Variants in LMBRD1 observed in about 807,000 individuals in gnomAD.
The protein encoded by LMBRD1 is lysosomal cobalamin transport escort protein LMBD1.
In LMBRD1, 64 loss-of-function variants were observed where a neutral mutation model predicts 74.8. The ratio of observed to expected loss-of-function variants is 0.86; its 90% CI spans 0.70 to 1.05. The LOEUF (loss-of-function observed/expected upper bound fraction) is 1.05, where lower values mean the gene tolerates loss of function less well. Among genes scored for constraint, LMBRD1 ranks in the 50% least tolerant of loss-of-function variants. The pLI, the probability that LMBRD1 is intolerant of heterozygous loss-of-function variation, is 0.00. For synonymous variants in LMBRD1, 204 were observed against 216.3 expected, an observed-to-expected ratio of 0.94 and a Z score of 0.50; for missense variants, 652 against 645.9, an observed-to-expected ratio of 1.01 and a Z score of -0.10.
intron 8 of LMBRD1, among the ~76,000 whole-genome samples, chr6:69,718,255 A>G (rs1046239001): frequency 9.9e-5 from 15 of 152,112 alleles, no homozygotes; most frequent in African/African-American, 3.1e-4. Flanking sequence ...TTATTCAACT[A>G]GTAAATAAAA....
intron 3 of LMBRD1, among the ~76,000 whole-genome samples, chr6:69,768,453 T>G (rs557404819): frequency 6.9e-6 from 1 of 144,936 alleles, no homozygotes; most frequent in South Asian, 2.1e-4. Flanking sequence ...ACAGGCAAAA[T>G]ATATATTTTT....
chr6:69,690,456 C>T (rs1004504246), intron 14 of LMBRD1, among the ~76,000 whole-genome samples: 5 of 152,074 alleles, frequency 3.3e-5, no homozygotes, highest in African/African-American at 9.7e-5. Flanking sequence ...AATTAGCCAA[C>T]AAGAAATCTC....
At position 69,675,407 on chromosome 6, in the gene LMBRD1, CAT is replaced by C. The variant is rs1294502602; in HGVS notation, c.*749_*750del. 1.3e-5 allele frequency among the ~76,000 whole-genome samples: 2 copies of C among 151,742 alleles called. No individual in the cohort carries two copies. Among genetic ancestry groups the C allele is most frequent in the Non-Finnish European group, 2.9e-5 (2 of 67,998 alleles). ...TATCTCTAAAACCAAAATATGATGC[CAT>C]ATATCTTAAATTAATCCATAAACTG... On this transcript the variant is annotated 3_prime_UTR_variant, in exon 16 of 16. Coordinates refer to ENST00000649934, the MANE Select transcript of LMBRD1 (RefSeq NM_018368.4).
At chr6:69,736,884 C>G (rs1051115352) in intron 7 of LMBRD1, among the ~76,000 whole-genome samples, 1 of 152,242 alleles carries the variant, frequency 6.6e-6, no homozygotes, top group Middle Eastern at 3.4e-3. Flanking sequence ...GCTGTACATT[C>G]TGTGAGATAG....
intron 6 of LMBRD1, among the ~76,000 whole-genome samples, chr6:69,739,948 A>C (rs1767064005): frequency 6.6e-6 from 1 of 152,190 alleles, no homozygotes; most frequent in African/African-American, 2.4e-5. Flanking sequence ...TCTACTAAAA[A>C]TACAAAAATT....
chr6:69,701,572 TTA>T (rs772467119), intron 10 of LMBRD1, 27 bp from the exon 11 acceptor site: 3 of 1,377,616 alleles, frequency 2.2e-6, no homozygotes, highest in East Asian at 2.4e-5. Flanking sequence ...AGAATGAAAT[TTA>T]TGTTATACTA....
At chr6:69,795,553 AT>A (rs1174434459) in intron 1 of LMBRD1, among the ~76,000 whole-genome samples, 1 of 152,226 alleles carries the variant, frequency 6.6e-6, no homozygotes, top group Non-Finnish European at 1.5e-5. Flanking sequence ...ACTTTCATAC[AT>A]TACATGCTTA....
Position 69,674,850 on chromosome 6 carries a change from G to C in LMBRD1, c.*1308C>G, listed in dbSNP as rs4707278. ...TAGCCAGGCATGGTGGCACATGCCT[G>C]TAATCCCAGCTACTCAGGAGGCTGA... On this transcript the variant is annotated 3_prime_UTR_variant, in exon 16 of 16. Transcript: ENST00000649934. Among the ~76,000 whole-genome samples, 55,056 of 152,012 alleles carry C rather than the reference G, an allele frequency of 0.36. 10,560 individuals carry two copies. Among genetic ancestry groups the C allele is most frequent in the East Asian group, 0.54 (2,806 of 5,160 alleles).
intron 9 of LMBRD1, among the ~76,000 whole-genome samples, chr6:69,712,435 C>G (rs948891337): frequency 9.6e-6 from 1 of 103,970 alleles, no homozygotes; most frequent in Admixed American, 1.0e-4. Context: ...TGTCAGAGTT[C>G]CTATGTTTTT....
In LMBRD1 at chr6:69,701,535, C is replaced by G. The variant is rs1165312577; in HGVS notation, c.991G>C (p.Ala331Pro). 3 of 1,594,496 alleles carry G rather than the reference C, an allele frequency of 1.9e-6. No individual in the cohort carries two copies. Among genetic ancestry groups the G allele is most frequent in the Non-Finnish European group, 2.6e-6 (3 of 1,165,168 alleles). Residue 331 changes from alanine (A) to proline (P), a missense_variant, in exon 11 of 16, where the codon GCT (alanine) becomes CCT (proline). Around this residue, in one of 3 missense-constraint regions of LMBRD1, gnomAD observed 598 missense variants for 581.8 expected, o/e 1.03. Transcript: ENST00000649934. Reference sequence around the variant, plus strand: ...GAATCTATTCCAGCTGAATGAAGAGCTTTATCTAAACTAAAAAAAATTACA... The same window carrying G: ...GAATCTATTCCAGCTGAATGAAGAGGTTTATCTAAACTAAAAAAAATTACA... ...ISLFLSNLDKALHSAGIDSGF... is the reference protein window; with the variant it reads ...ISLFLSNLDKPLHSAGIDSGF...
chr6:69,747,878 C>T (rs115378520), intron 5 of LMBRD1, among the ~76,000 whole-genome samples: 1,649 of 152,302 alleles, frequency 0.011, 27 homozygotes, highest in African/African-American at 0.037. Context: ...GAATATGCCA[C>T]CTTCAAAAAT....
intron 14 of LMBRD1, among the ~76,000 whole-genome samples, chr6:69,678,718 T>C: frequency 6.6e-6 from 1 of 152,128 alleles, no homozygotes; most frequent in Non-Finnish European, 1.5e-5. Context: ...TTTAGTTCTA[T>C]TTTTCTGAGC....
intron 14 of LMBRD1, among the ~76,000 whole-genome samples, chr6:69,690,689 C>G (rs1324397486): frequency 1.3e-5 from 2 of 152,012 alleles, no homozygotes; most frequent in African/African-American, 4.8e-5. Flanking sequence ...CACATTTGCC[C>G]TGATGTGATT....
At chr6:69,710,262 T>C (rs577335919) in intron 9 of LMBRD1, among the ~76,000 whole-genome samples, 22 of 151,730 alleles carry the variant, frequency 1.4e-4, no homozygotes, top group African/African-American at 5.1e-4. Context: ...CAAAGGATAG[T>C]CTTGAAAAAA....
Position 69,793,718 on chromosome 6 carries a change from C to CTTTTTTTTTTTTTTTTT in LMBRD1, c.69+3078_69+3094dup, listed in dbSNP as rs34341228. On this transcript the variant is annotated intron_variant, in intron 1 of 15. Coordinates refer to ENST00000649934, the MANE Select transcript of LMBRD1 (RefSeq NM_018368.4). ...AGTAGGCAACATTCATGTCCTGAATCTTTTTTTTTTTTTTTTTTTTTTTGA... is the reference window on the plus strand; with the variant it reads ...AGTAGGCAACATTCATGTCCTGAATCTTTTTTTTTTTTTTTTTTTTTTTTTTTTTTTTTTTTTTTTGA... Among the ~76,000 whole-genome samples, 2 of 96,030 alleles carry CTTTTTTTTTTTTTTTTT rather than the reference C, an allele frequency of 2.1e-5. 1 individual carries two copies. The highest frequency in any genetic ancestry group is 8.4e-5 in the African/African-American group (2 of 23,946). The allele number at this position is 96,030 out of a possible 152,430, so 63.0% of individuals were successfully genotyped here.
chr6:69,758,979 A>G (rs1450110078), intron 3 of LMBRD1, among the ~76,000 whole-genome samples: 1 of 152,112 alleles, frequency 6.6e-6, no homozygotes, highest in Non-Finnish European at 1.5e-5. Context: ...TATGGTAACT[A>G]TTCACTGGAA....
At position 69,676,118 on chromosome 6, in the gene LMBRD1, T is replaced by C. The variant is rs749884775; in HGVS notation, c.*40A>G. The C allele has an allele frequency of 1.7e-5, 25 of 1,481,794 alleles. No homozygotes were observed. Among genetic ancestry groups the C allele is most frequent in the African/African-American group, 2.8e-5 (2 of 72,354 alleles). 91.8% of individuals were successfully genotyped at this position (1,481,794 alleles called of 1,614,324 possible). On this transcript the variant is annotated 3_prime_UTR_variant, in exon 16 of 16. Transcript: ENST00000649934. ...TAATACTTTAAAAATGCATAACAGATATTCAGTCAGCATTATAAAACCTTT... is the reference window on the plus strand; with the variant it reads ...TAATACTTTAAAAATGCATAACAGACATTCAGTCAGCATTATAAAACCTTT...
intron 4 of LMBRD1, among the ~76,000 whole-genome samples, chr6:69,751,627 CA>C (rs961643841): frequency 1.3e-5 from 2 of 150,446 alleles, no homozygotes; most frequent in African/African-American, 4.9e-5. Flanking sequence ...AGCGCCTGGC[CA>C]AAAAAAAAGT....
intron 7 of LMBRD1, among the ~76,000 whole-genome samples, chr6:69,722,414 G>A (rs534564299): frequency 6.6e-6 from 1 of 151,688 alleles, no homozygotes; most frequent in Admixed American, 6.6e-5. Context: ...TACAATGGTG[G>A]TGTGTAACTA....
Sources: allele counts gnomAD v4.1 joint callset (sites outside exome capture counted in the v4.1 genomes callset), GRCh38; gene constraint gnomAD v4.1.1; regional missense constraint gnomAD v4.1.1; transcripts MANE v1.5; gene names NCBI Gene and HGNC (gene_info 2026-07-23, HGNC 2026-07-21).